Variants in U2AF2 observed in about 807,000 individuals in gnomAD.
The protein encoded by U2AF2 is splicing factor U2AF 65 kDa subunit.
In U2AF2, 6 loss-of-function variants were observed where a neutral mutation model predicts 52.6. The ratio of observed to expected loss-of-function variants is 0.11; its 90% CI spans 0.06 to 0.23. The LOEUF (loss-of-function observed/expected upper bound fraction) is 0.23. Ranked by LOEUF, U2AF2 falls within the 10% of genes least tolerant of loss-of-function variation. The pLI is 1.00. For synonymous variants in U2AF2, 284 were observed against 258.2 expected, an observed-to-expected ratio of 1.10 and a Z score of -0.96; for missense variants, 222 against 677.1, an observed-to-expected ratio of 0.33 and a Z score of 7.46.
chr19:55,661,300 A>AC (rs1018803595), intron 5 of U2AF2, 111 bp downstream of exon 5: 5 of 1,194,020 alleles, frequency 4.2e-6, no homozygotes, highest in East Asian at 3.1e-5. Context: ...CTCCTGCAAG[A>AC]CCCCCCGGCC....
intron 11 of U2AF2, 114 bp downstream of exon 11, chr19:55,669,806 C>G (rs1210742910): frequency 2.1e-6 from 3 of 1,408,788 alleles, no homozygotes; most frequent in South Asian, 2.9e-5. Flanking sequence ...TCCGCGCGCT[C>G]TTTCTTCCTC....
chr19:55,662,536 G>A lies in U2AF2; in HGVS notation c.521G>A (p.Arg174His), dbSNP rs1488296598. The A allele has an allele frequency of 3.8e-6, 6 of 1,581,898 alleles. No homozygotes were observed. The highest frequency in any genetic ancestry group is 2.8e-5 in the African/African-American group (2 of 70,986). The change falls in exon 6 of 12, where the codon CGC (arginine) becomes CAC (histidine). Residue 174 changes from arginine to histidine, a missense_variant. Arg to His is a conservative substitution (Grantham distance 29). Coordinates refer to ENST00000308924, the MANE Select transcript of U2AF2 (RefSeq NM_007279.3). Reference sequence around the variant, plus strand: ...ATGGATTTCTTCAACGCCCAGATGCGCCTGGGGGGGCTGACCCAGGCCCCT... The same window carrying A: ...ATGGATTTCTTCAACGCCCAGATGCACCTGGGGGGGCTGACCCAGGCCCCT... ...AMMDFFNAQM[R>H]LGGLTQAPGN...
Position 55,674,039 on chromosome 19 carries a change from G to GACTCTTATCACC in U2AF2, c.1400_1411dup (p.His470_Arg471insHisSerTyrHis). The GACTCTTATCACC allele has an allele frequency of 6.5e-7, 1 of 1,535,206 alleles. No individual in the cohort carries two copies. The highest frequency in any genetic ancestry group is 8.8e-7 in the Non-Finnish European group (1 of 1,132,356). On this transcript the variant is annotated inframe_insertion, in exon 12 of 12. Transcript: ENST00000308924. ...GGTTGTCACAAAATACTGTGACCCC[G>GACTCTTATCACC]ACTCTTATCACCGCCGGGACTTCTG...
In U2AF2 at chr19:55,669,837, G is replaced by A. The variant is rs577985844; in HGVS notation, c.1293+145G>A. 4.3e-5 allele frequency: 55 copies of A among 1,275,858 alleles called. No homozygotes were observed. The African/African-American group carries it at 5.8e-4, about 14-fold the overall frequency. The allele number at this position is 1,275,858 out of a possible 1,614,324, so 79.0% of individuals were successfully genotyped here. On this transcript the variant is annotated intron_variant, in intron 11 of 11. Transcript: ENST00000308924. ...TCCTCTCTCTCTCCTCTCGCAGCGC[G>A]TGCGTATAGGTGTATGCCATCACTG...
rs1397495010 is a variant in U2AF2 at position 55,668,422 on chromosome 19, C to T, written c.743-85C>T. 2.2e-6 allele frequency: 3 copies of T among 1,344,504 alleles called. No individual in the cohort carries two copies. The highest frequency in any genetic ancestry group is 1.5e-5 in the African/African-American group (1 of 67,886). 83.3% of individuals were successfully genotyped at this position (1,344,504 alleles called of 1,614,324 possible). A position where few individuals can be genotyped will look rare whatever the true frequency, so the allele number is the denominator to read the frequency against. On this transcript the variant is annotated intron_variant, in intron 7 of 11. Transcript: ENST00000308924. This position sits in a 1 kb window ranked among gnomAD's most constrained non-coding sequence, Gnocchi z 5.5. ...ATCAGGCAGGAAGTGTTCTCTTTGGCAATTGAGGAGCTCGCCGTAGACTGT... is the reference window on the plus strand; with the variant it reads ...ATCAGGCAGGAAGTGTTCTCTTTGGTAATTGAGGAGCTCGCCGTAGACTGT...
intron 6 of U2AF2, among the ~76,000 whole-genome samples, chr19:55,662,917 A>G (rs1007775554): frequency 2.0e-5 from 3 of 151,986 alleles, no homozygotes; most frequent in Non-Finnish European, 4.4e-5. Context: ...ACCTTCCCAG[A>G]ACCTACCATG....
chr19:55,660,518 GT>G lies in U2AF2; in HGVS notation c.235del (p.Ser79ProfsTer47). 7.3e-7 allele frequency: 1 copy of G among 1,376,520 alleles called. No individual in the cohort carries two copies. 85.3% of individuals were successfully genotyped at this position (1,376,520 alleles called of 1,614,324 possible). ...GAKEEHGGLI[R>X]SPRHEKKKKV... ...CTCTCCCCTCCCACCTCCCCCAGTC[GT>G]TCCCCCCGCCACGAGAAGAAGAAGA... On this transcript the variant is annotated frameshift_variant, in exon 4 of 12. Coordinates refer to ENST00000308924, the MANE Select transcript of U2AF2 (RefSeq NM_007279.3). LOFTEE classifies it high-confidence loss of function.
At chr19:55,673,533 T>G (rs752278272) in intron 11 of U2AF2, among the ~76,000 whole-genome samples, 6 of 152,218 alleles carry the variant, frequency 3.9e-5, no homozygotes, top group Non-Finnish European at 8.8e-5. Flanking sequence ...TGAGCTTCCC[T>G]TAGTTCACTT....
intron 5 of U2AF2, chr19:55,661,945 C>T (rs1443956786): frequency 6.5e-6 from 1 of 153,518 alleles, no homozygotes; most frequent in East Asian, 1.9e-4. Context: ...CCCCTCCCGT[C>T]CCTGCCCCTC....
intron 1 of U2AF2, among the ~76,000 whole-genome samples, chr19:55,655,458 T>A (rs1279647421): frequency 6.6e-6 from 1 of 152,220 alleles, no homozygotes; most frequent in Non-Finnish European, 1.5e-5. Flanking sequence ...TGCCTCGACG[T>A]GAACTTTTGT....
chr19:55,659,453 G>T (rs948450706), intron 2 of U2AF2, 108 bp downstream of exon 2: 1 of 1,302,586 alleles, frequency 7.7e-7, no homozygotes, highest in Non-Finnish European at 9.9e-7. Context: ...GGCCCTGTGT[G>T]GCTCGTTCGT....
chr19:55,662,903 A>G (rs1365244061), intron 6 of U2AF2, among the ~76,000 whole-genome samples: 1 of 152,034 alleles, frequency 6.6e-6, no homozygotes, highest in Non-Finnish European at 1.5e-5. Context: ...CTCTGGCCAC[A>G]CTGACCTTCC....
intron 7 of U2AF2, among the ~76,000 whole-genome samples, chr19:55,666,517 T>C (rs2123688423): frequency 6.6e-6 from 1 of 152,316 alleles, no homozygotes; most frequent in African/African-American, 2.4e-5. Context: ...GTGGGTCCTG[T>C]TGTGGGCATT....
chr19:55,666,020 C>T (rs530185439), intron 7 of U2AF2, among the ~76,000 whole-genome samples: 2 of 152,296 alleles, frequency 1.3e-5, no homozygotes, highest in East Asian at 1.9e-4. Context: ...TGGGTAGGGA[C>T]GTGTGGTGGG....
chr19:55,668,396 G>A lies in U2AF2; in HGVS notation c.743-111G>A. 1.8e-6 allele frequency: 2 copies of A among 1,113,114 alleles called. No individual in the cohort carries two copies. The highest frequency in any genetic ancestry group is 2.5e-6 in the Non-Finnish European group (2 of 793,048). 69.0% of individuals were successfully genotyped at this position (1,113,114 alleles called of 1,614,324 possible). Reference sequence around the variant, plus strand: ...GCACGTGGCGACCCCTCCCTCGTCAGATCAGGCAGGAAGTGTTCTCTTTGG... The same window carrying A: ...GCACGTGGCGACCCCTCCCTCGTCAAATCAGGCAGGAAGTGTTCTCTTTGG... On this transcript the variant is annotated intron_variant, in intron 7 of 11. Transcript: ENST00000308924. The surrounding 1 kb of genome is among the most constrained non-coding windows in gnomAD (Gnocchi z 5.5).
chr19:55,658,042 T>A (rs1221500698), intron 1 of U2AF2, among the ~76,000 whole-genome samples: 1 of 152,228 alleles, frequency 6.6e-6, no homozygotes, highest in Non-Finnish European at 1.5e-5. Flanking sequence ...TTTGGAATTG[T>A]GATGCTTTTC....
At chr19:55,655,813 T>A (rs1983757071) in intron 1 of U2AF2, among the ~76,000 whole-genome samples, 1 of 152,264 alleles carries the variant, frequency 6.6e-6, no homozygotes, top group Admixed American at 6.5e-5. Context: ...ACATGTTGCC[T>A]AAAAGCATCT....
intron 5 of U2AF2, chr19:55,661,902 G>A (rs1195944253): frequency 5.9e-5 from 9 of 152,774 alleles, no homozygotes; most frequent in Admixed American, 5.2e-4. Context: ...CCGGACTCCA[G>A]GGCCAGATTC....
intron 5 of U2AF2, chr19:55,662,262 C>A (rs1303741887): frequency 2.3e-6 from 1 of 434,618 alleles, no homozygotes. Flanking sequence ...AACGCCTGTC[C>A]ATCGCCTGCC....
Sources: gnomAD v4.1 joint callset for allele counts (sites outside exome capture counted in the v4.1 genomes callset) on GRCh38, gnomAD v4.1.1 for gene constraint, Gnocchi (gnomAD v3.1) non-coding constraint, MANE v1.5 for transcripts, NCBI Gene and HGNC (gene_info 2026-07-23, HGNC 2026-07-21) for gene names.